Variants in C8orf33 observed in about 807,000 individuals in gnomAD.
C8orf33 encodes the protein chromosome 8 open reading frame 33.
C8orf33 carries 28 observed loss-of-function variants against 25.7 expected under a neutral mutation model. The observed-to-expected ratio is 1.09, with a 90% confidence interval of 0.81 to 1.49. The LOEUF is 1.49. Ranked by LOEUF, C8orf33 falls within the 40% of genes most tolerant of loss-of-function variation. The pLI, the probability that C8orf33 is intolerant of heterozygous loss-of-function variation, is 0.00. For synonymous variants in C8orf33, 153 were observed against 115.9 expected (o/e 1.32, Z -2.06); for missense variants, 369 against 294.4 (o/e 1.25, Z -1.85).
Position 145,054,189 on chromosome 8 carries a change from C to T in C8orf33, c.*32C>T. Reference sequence around the variant, plus strand: ...CCCGAACCTGAAACAATCCCCCTCCCTTGGGGTGGTGTAGGGGTTTGTTTT... The same window carrying T: ...CCCGAACCTGAAACAATCCCCCTCCTTTGGGGTGGTGTAGGGGTTTGTTTT... On this transcript the variant is annotated 3_prime_UTR_variant, in exon 5 of 5. Coordinates refer to ENST00000331434, the MANE Select transcript of C8orf33 (RefSeq NM_023080.3). 6.2e-7 allele frequency: 1 copy of T among 1,611,266 alleles called. No individual in the cohort carries two copies. The highest frequency in any genetic ancestry group is 8.5e-7 in the Non-Finnish European group (1 of 1,178,596).
In C8orf33 at chr8:145,052,913, G is replaced by T. The variant is rs1439221180; in HGVS notation, c.318+16G>T. On this transcript the variant is annotated intron_variant, in intron 2 of 4. Transcript: ENST00000331434. ...TGAGGCCCAGGCAAGGGCGGGCTTC[G>T]GTCGGGAAGGGTGGAATCCACGGGT... The T allele has an allele frequency of 2.5e-6, 4 of 1,605,746 alleles. No individual in the cohort carries two copies. The highest frequency in any genetic ancestry group is 3.4e-6 in the Non-Finnish European group (4 of 1,175,924).
In C8orf33 at chr8:145,052,638, C is replaced by T. The variant is rs1835291262; in HGVS notation, c.59C>T (p.Pro20Leu). The T allele has an allele frequency of 2.5e-6, 4 of 1,612,060 alleles. No individual in the cohort carries two copies. The highest frequency in any genetic ancestry group is 2.7e-5 in the African/African-American group (2 of 75,022). Residue 20 changes from proline to leucine, a missense_variant, in exon 2 of 5, where the codon CCC (proline) becomes CTC (leucine). Transcript: ENST00000331434. Reference sequence around the variant, plus strand: ...GCGGCGGCCCCAGGCCCGGGTACTCCCTGCGCGTCCCGCGGAGCCCGGCTT... The same window carrying T: ...GCGGCGGCCCCAGGCCCGGGTACTCTCTGCGCGTCCCGCGGAGCCCGGCTT... Reference protein sequence around the residue: ...EAAAAPGPGTPCASRGARLPG... With the variant: ...EAAAAPGPGTLCASRGARLPG...
At chr8:145,052,983 C>T (rs147055795) in intron 2 of C8orf33, 79 bp from the exon 3 acceptor site, 36 of 1,604,730 alleles carry the variant, frequency 2.2e-5, no homozygotes, top group Non-Finnish European at 3.1e-5. Flanking sequence ...GGAGTTAAGG[C>T]GGGGAGGGGC....
At position 145,053,399 on chromosome 8, in the gene C8orf33, A is replaced by G. The variant is rs755751807; in HGVS notation, c.506A>G (p.Gln169Arg). 4 of 1,614,136 alleles carry G rather than the reference A, an allele frequency of 2.5e-6. No individual in the cohort carries two copies. Among genetic ancestry groups the G allele is most frequent in the African/African-American group, 2.7e-5 (2 of 74,940 alleles). ...TCCTTGTTTGGAGACTATAGGGCTC[A>G]GATGGAAGCCGAATGGCGTGAGGCC... ...MHSLFGDYRA[Q>R]MEAEWREALR... The change falls in exon 4 of 5, where the codon CAG (glutamine) becomes CGG (arginine). Residue 169 changes from glutamine (Q) to arginine (R), a missense_variant. Gln to Arg is a conservative substitution (Grantham distance 43). Coordinates refer to ENST00000331434, the MANE Select transcript of C8orf33 (RefSeq NM_023080.3).
rs754712993 is a variant in C8orf33, at chr8:145,054,067, G to C, written c.600G>C (p.Lys200Asn). 6.2e-7 allele frequency: 1 copy of C among 1,614,178 alleles called. No individual in the cohort carries two copies. The highest frequency in any genetic ancestry group is 1.1e-5 in the South Asian group (1 of 91,084). ...CTGTAGATGGAGCCACCAGAAAGAA[G>C]AGCCAAAGGGTCTGCAGGCCTCGCT... ...VQPVDGATRKKSQRVCRPRSI... is the reference protein window; with the variant it reads ...VQPVDGATRKNSQRVCRPRSI... Residue 200 changes from lysine to asparagine, a missense_variant, in exon 5 of 5, where the codon AAG becomes AAC. By Grantham distance (94) the Lys-to-Asn change is moderately conservative. Transcript: ENST00000331434.
rs1272693976 is a variant in C8orf33 at position 145,053,349 on chromosome 8, G to T, written c.456G>T (p.Leu152Phe). The change falls in exon 4 of 5, where the codon TTG (leucine) becomes TTT (phenylalanine). Residue 152 changes from leucine (L) to phenylalanine (F), a missense_variant. Transcript: ENST00000331434. ...IRTLRSKRTPLPRKRQLMHSL... is the reference protein window; with the variant it reads ...IRTLRSKRTPFPRKRQLMHSL... ...CCCTGCGCAGCAAAAGAACGCCCTTGCCCCGGAAGAGGCAGCTGATGCACT... is the reference window on the plus strand; with the variant it reads ...CCCTGCGCAGCAAAAGAACGCCCTTTCCCCGGAAGAGGCAGCTGATGCACT... 3.1e-6 allele frequency: 5 copies of T among 1,614,240 alleles called. No homozygotes were observed. Among genetic ancestry groups the T allele is most frequent in the Admixed American group, 1.7e-5 (1 of 60,030 alleles).
In C8orf33 at chr8:145,054,175, A is replaced by G. The variant is rs750337382; in HGVS notation, c.*18A>G. The G allele has an allele frequency of 1.9e-6, 3 of 1,613,206 alleles. No individual in the cohort carries two copies. The highest frequency in any genetic ancestry group is 2.5e-6 in the Non-Finnish European group (3 of 1,179,620). ...TCTTTTAGCGTCTCCCCGAACCTGA[A>G]ACAATCCCCCTCCCTTGGGGTGGTG... On this transcript the variant is annotated 3_prime_UTR_variant, in exon 5 of 5. Transcript: ENST00000331434.
intron 2 of C8orf33, 78 bp downstream of exon 2, chr8:145,052,975 A>T: frequency 6.2e-7 from 1 of 1,604,684 alleles, no homozygotes; most frequent in Admixed American, 1.7e-5. Flanking sequence ...GGGTCCGCGG[A>T]GTTAAGGCGG....
Position 145,052,780 on chromosome 8 carries a change from G to C in C8orf33, c.201G>C (p.Ala67=). The change falls in exon 2 of 5, where the codon GCG becomes GCC. Residue 67 remains alanine, a synonymous_variant. Coordinates refer to ENST00000331434, the MANE Select transcript of C8orf33 (RefSeq NM_023080.3). ...CGTTGGGCGATGAAGGCGGCACAGCGTCGAAAAAACAAAAGAATAAGAAGA... is the reference window on the plus strand; with the variant it reads ...CGTTGGGCGATGAAGGCGGCACAGCCTCGAAAAAACAAAAGAATAAGAAGA... ...AHPLGDEGGT[A]SKKQKNKKKT... 1.2e-6 allele frequency: 2 copies of C among 1,614,144 alleles called. No individual in the cohort carries two copies. The highest frequency in any genetic ancestry group is 1.6e-4 in the Middle Eastern group (1 of 6,062).
At position 145,052,729 on chromosome 8, in the gene C8orf33, C is replaced by T; in HGVS notation, c.150C>T (p.Cys50=). Residue 50 remains cysteine, a synonymous_variant, in exon 2 of 5, where the codon TGC becomes TGT. Coordinates refer to ENST00000331434, the MANE Select transcript of C8orf33 (RefSeq NM_023080.3). The stretch of plus-strand genomic sequence containing the variant: ...GTCTCTGCCCAGAGCAACCTACGTG[C>T]AGTAACGCTGACTCCAGAGCGCACC... ...TVCLCPEQPT[C]SNADSRAHPL... 6.2e-7 allele frequency: 1 copy of T among 1,614,196 alleles called. No homozygotes were observed. Among genetic ancestry groups the T allele is most frequent in the Non-Finnish European group, 8.5e-7 (1 of 1,180,032 alleles).
At position 145,055,691 on chromosome 8, in the gene C8orf33, G is replaced by A. The variant is rs34792719; in HGVS notation, c.*1534G>A. ...CTGTGCTTCAGTGGTCACGCTCCTA[G>A]TCCGCTTTCATGTTCCATCCTGTAT... On this transcript the variant is annotated 3_prime_UTR_variant, in exon 5 of 5. Coordinates refer to ENST00000331434, the MANE Select transcript of C8orf33 (RefSeq NM_023080.3). 3,444 of 153,228 alleles carry A rather than the reference G, an allele frequency of 0.022. 48 individuals are homozygous for A. The highest frequency in any genetic ancestry group is 0.034 in the Admixed American group (517 of 15,312). The allele number at this position is 153,228 out of a possible 1,614,324, so 9.5% of individuals were successfully genotyped here.
At position 145,052,918 on chromosome 8, in the gene C8orf33, G is replaced by A. The variant is rs765109003; in HGVS notation, c.318+21G>A. ...CCCAGGCAAGGGCGGGCTTCGGTCG[G>A]GAAGGGTGGAATCCACGGGTGCGAA... is the stretch of plus-strand genomic sequence containing the variant. On this transcript the variant is annotated intron_variant, in intron 2 of 4. Coordinates refer to ENST00000331434, the MANE Select transcript of C8orf33 (RefSeq NM_023080.3). 1.4e-5 allele frequency: 23 copies of A among 1,605,836 alleles called. No individual in the cohort carries two copies. In the South Asian group the frequency reaches 2.4e-4, roughly 17 times the overall value.
rs1231171962 is a variant in C8orf33 at position 145,055,894 on chromosome 8, G to C, written c.*1737G>C. 1 of 172,132 alleles carries C rather than the reference G, an allele frequency of 5.8e-6. No individual in the cohort carries two copies. The allele number at this position is 172,132 out of a possible 1,614,324, so 10.7% of individuals were successfully genotyped here. On this transcript the variant is annotated 3_prime_UTR_variant, in exon 5 of 5. Transcript: ENST00000331434. ...GACCCATGTGACCTTACCTATTATT[G>C]GAGATGGTTCACATTCCTTACCCTG... is the stretch of plus-strand genomic sequence containing the variant.
In C8orf33 at chr8:145,054,418, T is replaced by C; in HGVS notation, c.*261T>C. ...AAAATATGCAATAAATTGAAGTGAG[T>C]GTTCAAAGTATTGTAGAAGGAATAT... On this transcript the variant is annotated 3_prime_UTR_variant, in exon 5 of 5. Coordinates refer to ENST00000331434, the MANE Select transcript of C8orf33 (RefSeq NM_023080.3). 1.0e-5 allele frequency: 4 copies of C among 386,960 alleles called. No individual in the cohort carries two copies. The South Asian group carries it at 1.5e-4, about 14-fold the overall frequency. 24.0% of individuals were successfully genotyped at this position (386,960 alleles called of 1,614,324 possible). A position where few individuals can be genotyped will look rare whatever the true frequency, so the allele number is the denominator to read the frequency against.
Position 145,054,090 on chromosome 8 carries a change from G to C in C8orf33, c.623G>C (p.Arg208Pro). 6.2e-7 allele frequency: 1 copy of C among 1,614,166 alleles called. No homozygotes were observed. The stretch of plus-strand genomic sequence containing the variant: ...AAGAGCCAAAGGGTCTGCAGGCCTC[G>C]CTCTATATGGAGAGCCAAAGCCACT... ...RKKSQRVCRP[R>P]SIWRAKATLD... is the part of the protein sequence containing the mutation. The change falls in exon 5 of 5, where the codon CGC (arginine) becomes CCC (proline). Residue 208 changes from arginine (R) to proline (P), a missense_variant. Coordinates refer to ENST00000331434, the MANE Select transcript of C8orf33 (RefSeq NM_023080.3).
Position 145,055,923 on chromosome 8 carries a change from CT to C in C8orf33, c.*1769del, listed in dbSNP as rs1014415678. ...ATGGTTCACATTCCTTACCCTGCCC[CT>C]TTGTCTTATATCCAATAAATATCAG... On this transcript the variant is annotated 3_prime_UTR_variant, in exon 5 of 5. Transcript: ENST00000331434. The C allele has an allele frequency of 3.1e-5, 6 of 193,996 alleles. No homozygotes were observed. Among genetic ancestry groups the C allele is most frequent in the African/African-American group, 1.2e-4 (5 of 42,108 alleles). The allele number at this position is 193,996 out of a possible 1,614,324, so 12.0% of individuals were successfully genotyped here.
chr8:145,053,794 G>A lies in C8orf33; in HGVS notation c.551-224G>A, dbSNP rs572278941. 9 of 611,168 alleles carry A rather than the reference G, an allele frequency of 1.5e-5. No homozygotes were observed. The South Asian group carries it at 1.8e-4, about 12-fold the overall frequency. The allele number at this position is 611,168 out of a possible 1,614,324, so 37.9% of individuals were successfully genotyped here. ...GAGTGCAATTCCTGGGGCCAGATCAGCTAGGTTCAAATCCTGGATCTACCA... is the reference window on the plus strand; with the variant it reads ...GAGTGCAATTCCTGGGGCCAGATCAACTAGGTTCAAATCCTGGATCTACCA... On this transcript the variant is annotated intron_variant, in intron 4 of 4. Transcript: ENST00000331434.
In C8orf33 at chr8:145,055,310, A is replaced by G. The variant is rs1050619934; in HGVS notation, c.*1153A>G. 1.3e-5 allele frequency: 2 copies of G among 152,130 alleles called. No homozygotes were observed. The highest frequency in any genetic ancestry group is 2.9e-5 in the Non-Finnish European group (2 of 68,034). The allele number at this position is 152,130 out of a possible 1,614,324, so 9.4% of individuals were successfully genotyped here. ...TTATTCCAATATTATAATAATCCTCACTCTACAATCATAACCTAGGAAAAA... is the reference window on the plus strand; with the variant it reads ...TTATTCCAATATTATAATAATCCTCGCTCTACAATCATAACCTAGGAAAAA... On this transcript the variant is annotated 3_prime_UTR_variant, in exon 5 of 5. Coordinates refer to ENST00000331434, the MANE Select transcript of C8orf33 (RefSeq NM_023080.3).
In C8orf33 at chr8:145,055,508, C is replaced by A. The variant is rs1020483739; in HGVS notation, c.*1351C>A. On this transcript the variant is annotated 3_prime_UTR_variant, in exon 5 of 5. Transcript: ENST00000331434. ...GTGGACCATGGTCTAGCAGTAGCATCAGTGTCAAGGAAAAACACCCACTAC... is the reference window on the plus strand; with the variant it reads ...GTGGACCATGGTCTAGCAGTAGCATAAGTGTCAAGGAAAAACACCCACTAC... 5.8e-6 allele frequency: 1 copy of A among 171,920 alleles called. No individual in the cohort carries two copies. The highest frequency in any genetic ancestry group is 6.3e-5 in the Admixed American group (1 of 15,872). 10.6% of individuals were successfully genotyped at this position (171,920 alleles called of 1,614,324 possible).
Sources: gnomAD v4.1 joint callset for allele counts on GRCh38, gnomAD v4.1.1 for gene constraint, MANE v1.5 for transcripts, NCBI Gene and HGNC (gene_info 2026-07-23, HGNC 2026-07-21) for gene names.